PTPRG: variants seen among roughly 807,000 people sequenced by gnomAD.
PTPRG encodes protein tyrosine phosphatase receptor type G.
In PTPRG, 102 loss-of-function variants were observed where a neutral mutation model predicts 165.3. The ratio of observed to expected loss-of-function variants is 0.62; its 90% CI spans 0.53 to 0.73. The LOEUF (loss-of-function observed/expected upper bound fraction) is 0.73, where lower values mean the gene tolerates loss of function less well. Among genes scored for constraint, PTPRG ranks in the 30% least tolerant of loss-of-function variants. The pLI, the probability that PTPRG is intolerant of heterozygous loss-of-function variation, is 0.00. For missense variants in PTPRG, 1,866 were observed against 1,861.4 expected (o/e 1.00, Z -0.05); for synonymous variants, 675 against 669.5 (o/e 1.01, Z -0.13).
At chr3:61,984,639 C>T (rs2040714509) in intron 2 of PTPRG, among the ~76,000 whole-genome samples, 1 of 152,176 alleles carries the variant, frequency 6.6e-6, no homozygotes, top group African/African-American at 2.4e-5. Flanking sequence ...AAAAGAATGA[C>T]CTTTTGACAA....
intron 2 of PTPRG, among the ~76,000 whole-genome samples, chr3:61,931,267 A>G (rs2039354772): frequency 6.6e-6 from 1 of 152,172 alleles, no homozygotes; most frequent in Non-Finnish European, 1.5e-5. Flanking sequence ...TGCGATGTTG[A>G]GCGCATTTTC....
chr3:61,682,513 A>G (rs1250274959), intron 1 of PTPRG, among the ~76,000 whole-genome samples: 1 of 152,226 alleles, frequency 6.6e-6, no homozygotes, highest in Non-Finnish European at 1.5e-5. Context: ...CCAGTGAGGA[A>G]AAAGGTAGCT....
intron 2 of PTPRG, among the ~76,000 whole-genome samples, chr3:61,789,560 G>T (rs1034291029): frequency 6.6e-6 from 1 of 152,204 alleles, no homozygotes; most frequent in Admixed American, 6.5e-5. Flanking sequence ...CTGGAACAAT[G>T]AGGACAAAAA....
At chr3:62,088,015 G>A (rs1307852928) in intron 5 of PTPRG, among the ~76,000 whole-genome samples, 1 of 152,202 alleles carries the variant, frequency 6.6e-6, no homozygotes, top group African/African-American at 2.4e-5. Flanking sequence ...CTGTGGTTAT[G>A]TAAGCATAGT....
At chr3:61,802,288 G>A (rs2035274629) in intron 2 of PTPRG, among the ~76,000 whole-genome samples, 1 of 152,172 alleles carries the variant, frequency 6.6e-6, no homozygotes, top group Non-Finnish European at 1.5e-5. Context: ...TTTGAATAGG[G>A]AAGGTGTGAC....
chr3:61,803,996 A>G (rs1423756674), intron 2 of PTPRG, among the ~76,000 whole-genome samples: 1 of 152,204 alleles, frequency 6.6e-6, no homozygotes, highest in Admixed American at 6.5e-5. Flanking sequence ...AAATGCTTAG[A>G]TCAAACAAGA....
chr3:61,724,199 G>GCCCATCTCC (rs2032162866), intron 1 of PTPRG, among the ~76,000 whole-genome samples: 6 of 127,914 alleles, frequency 4.7e-5, no homozygotes, highest in African/African-American at 1.9e-4. Context: ...CTGGGTGACA[G>GCCCATCTCC]AGTGAGACTC....
At chr3:62,282,020 AG>A (rs1702468938) in intron 27 of PTPRG, among the ~76,000 whole-genome samples, 2 of 152,068 alleles carry the variant, frequency 1.3e-5, no homozygotes, top group African/African-American at 2.4e-5. Context: ...TGTGTTGCAC[AG>A]ATGATAATAC....
At chr3:61,595,181 G>GTTTTTTTTTTTTTTTTTTT (rs1357469100) in intron 1 of PTPRG, among the ~76,000 whole-genome samples, 1 of 146,440 alleles carries the variant, frequency 6.8e-6, no homozygotes, top group African/African-American at 2.6e-5. Flanking sequence ...AACAAGATGT[G>GTTTTTTTTTTTTTTTTTTT]TTTGTTTTTT....
chr3:62,236,941 T>C (rs773718958), intron 14 of PTPRG, among the ~76,000 whole-genome samples: 6 of 152,184 alleles, frequency 3.9e-5, no homozygotes, highest in Non-Finnish European at 8.8e-5. Flanking sequence ...CTTTTTCCTG[T>C]AAGCAGGTTT....
chr3:62,260,793 A>G (rs951185974), intron 16 of PTPRG: 4 of 152,308 alleles, frequency 2.6e-5, no homozygotes, highest in Non-Finnish European at 5.9e-5. Context: ...GCAGTACTGC[A>G]AGGAATTACA....
chr3:62,220,079 C>G, intron 13 of PTPRG, among the ~76,000 whole-genome samples: 1 of 152,172 alleles, frequency 6.6e-6, no homozygotes, highest in East Asian at 1.9e-4. Flanking sequence ...GTAGAGGAAA[C>G]AGCACATGCA....
intron 1 of PTPRG, among the ~76,000 whole-genome samples, chr3:61,573,505 A>C (rs1307952435): frequency 6.6e-6 from 1 of 152,204 alleles, no homozygotes; most frequent in Non-Finnish European, 1.5e-5. Flanking sequence ...TTACAGATGG[A>C]AGATTTGAGG....
At chr3:62,132,573 T>C in intron 5 of PTPRG, 29 bp from the exon 6 acceptor site, 1 of 1,543,458 alleles carries the variant, frequency 6.5e-7, no homozygotes, top group South Asian at 1.1e-5. Flanking sequence ...CAGAATAGAT[T>C]TAACCAATCA....
rs374288464 is a variant in PTPRG, at chr3:61,765,668, G to A, written c.190+16686G>A. ...CAGAGCTGTGAATGGTGATTGACAGGCTACCGTGATCCAGCTTTTTGTCAA... is the reference window on the plus strand; with the variant it reads ...CAGAGCTGTGAATGGTGATTGACAGACTACCGTGATCCAGCTTTTTGTCAA... On this transcript the variant is annotated intron_variant, in intron 2 of 29. Coordinates refer to ENST00000474889, the MANE Select transcript of PTPRG (RefSeq NM_002841.4). 4.6e-5 allele frequency among the ~76,000 whole-genome samples: 7 copies of A among 152,208 alleles called. 1 individual carries two copies. Among genetic ancestry groups the A allele is most frequent in the African/African-American group, 1.7e-4 (7 of 41,532 alleles).
chr3:62,175,782 G>A (rs183911385), intron 8 of PTPRG, among the ~76,000 whole-genome samples: 2 of 152,262 alleles, frequency 1.3e-5, no homozygotes, highest in East Asian at 3.9e-4. Flanking sequence ...TGAGGTGGTG[G>A]GGAGGAGCCC....
intron 4 of PTPRG, among the ~76,000 whole-genome samples, chr3:62,036,059 A>AG (rs1311630940): frequency 3.3e-5 from 5 of 151,000 alleles, no homozygotes; most frequent in South Asian, 2.1e-4. Flanking sequence ...AAAAAAAAAA[A>AG]AATCCTGCCA....
chr3:61,914,896 A>G (rs1401692519), intron 2 of PTPRG, among the ~76,000 whole-genome samples: 2 of 152,210 alleles, frequency 1.3e-5, no homozygotes, highest in Non-Finnish European at 2.9e-5. Flanking sequence ...AAATGTTACC[A>G]TATTGTTTGA....
At chr3:62,197,111 T>C (rs961348936) in intron 10 of PTPRG, among the ~76,000 whole-genome samples, 1 of 152,174 alleles carries the variant, frequency 6.6e-6, no homozygotes. Flanking sequence ...CAGCTGCCTT[T>C]TGGAAGCTGC....
Sources: gnomAD v4.1 joint callset for allele counts (sites outside exome capture counted in the v4.1 genomes callset) on GRCh38, gnomAD v4.1.1 for gene constraint, MANE v1.5 for transcripts, NCBI Gene and HGNC (gene_info 2026-07-23, HGNC 2026-07-21) for gene names.